The following UGT1A8 variants were observed in gnomAD, a reference collection of about 807,000 sequenced individuals.
The protein encoded by UGT1A8 is UDP glucuronosyltransferase family 1 member A8.
A neutral mutation model predicts 45.3 loss-of-function variants in UGT1A8; 39 were observed. The observed-to-expected ratio is 0.86, with a 90% CI of 0.67 to 1.12. The LOEUF (loss-of-function observed/expected upper bound fraction) is 1.12, where lower values mean the gene tolerates loss of function less well. UGT1A8 is among the 50% of genes most tolerant of loss of function. The probability of loss-of-function intolerance (pLI) is 0.00; values close to 1 mark genes in which losing one functional copy is unlikely to be tolerated. For synonymous variants in UGT1A8, 275 were observed against 249.2 expected, an observed-to-expected ratio of 1.10 and a Z score of -0.97; for missense variants, 719 against 664.9, an observed-to-expected ratio of 1.08 and a Z score of -0.90.
At chr2:233,728,607 C>G (rs868048236) in intron 1 of UGT1A8, among the ~76,000 whole-genome samples, 1 of 152,210 alleles carries the variant, frequency 6.6e-6, no homozygotes, top group South Asian at 2.1e-4. Flanking sequence ...CCAGCCTCCA[C>G]GCTGTTCAGA....
At chr2:233,619,241 T>G (rs2125447125) in intron 1 of UGT1A8, among the ~76,000 whole-genome samples, 1 of 152,160 alleles carries the variant, frequency 6.6e-6, no homozygotes, top group South Asian at 2.1e-4. Flanking sequence ...AATTGTAGAT[T>G]CCTTTATACA....
At chr2:233,734,048 T>C (rs547388406) in intron 1 of UGT1A8, among the ~76,000 whole-genome samples, 1 of 152,234 alleles carries the variant, frequency 6.6e-6, no homozygotes, top group East Asian at 1.9e-4. Flanking sequence ...ATGGCACATG[T>C]ATACATATGT....
chr2:233,640,276 G>C (rs1452147606), intron 1 of UGT1A8, among the ~76,000 whole-genome samples: 1 of 152,086 alleles, frequency 6.6e-6, no homozygotes, highest in African/African-American at 2.4e-5. Flanking sequence ...ATAATTTTCA[G>C]TGTTTTGCTG....
At chr2:233,627,635 T>TCCTC (rs2073110423) in intron 1 of UGT1A8, among the ~76,000 whole-genome samples, 1 of 121,114 alleles carries the variant, frequency 8.3e-6, no homozygotes, top group Non-Finnish European at 1.8e-5. Flanking sequence ...CTTCCTTCCT[T>TCCTC]CCTTCCTTCC....
At chr2:233,641,607 G>A (rs2073454978) in intron 1 of UGT1A8, among the ~76,000 whole-genome samples, 2 of 152,104 alleles carry the variant, frequency 1.3e-5, no homozygotes, top group Admixed American at 6.5e-5. Flanking sequence ...AGTGAGTTTT[G>A]TACCTTCAGA....
chr2:233,655,044 A>C (rs372943668), intron 1 of UGT1A8, among the ~76,000 whole-genome samples: 39 of 152,058 alleles, frequency 2.6e-4, no homozygotes, highest in African/African-American at 7.0e-4. Flanking sequence ...AGCCGAGATC[A>C]TACCACTGCA....
chr2:233,726,218 A>C (rs1180032899), intron 1 of UGT1A8, among the ~76,000 whole-genome samples: 1 of 152,174 alleles, frequency 6.6e-6, no homozygotes, highest in Non-Finnish European at 1.5e-5. Context: ...AAAGTTTAGA[A>C]AACATTTTTT....
intron 1 of UGT1A8, among the ~76,000 whole-genome samples, chr2:233,745,638 C>T (rs530940349): frequency 4.6e-5 from 7 of 151,244 alleles, no homozygotes; most frequent in South Asian, 2.1e-4. Context: ...GAAAGCTGGC[C>T]GAGGGTAGAG....
chr2:233,713,032 C>T, intron 1 of UGT1A8: 2 of 1,613,918 alleles, frequency 1.2e-6, no homozygotes, highest in Non-Finnish European at 1.7e-6. Context: ...CAGCTGGCCA[C>T]AGGACTGCTG....
chr2:233,682,815 C>A (rs1223109916), intron 1 of UGT1A8: 3 of 1,581,138 alleles, frequency 1.9e-6, no homozygotes, highest in Admixed American at 3.7e-5. Context: ...CCCTTTAGCA[C>A]ATTAAGAATA....
intron 1 of UGT1A8, among the ~76,000 whole-genome samples, chr2:233,644,265 C>T (rs1178360702): frequency 1.3e-5 from 2 of 152,164 alleles, no homozygotes; most frequent in Non-Finnish European, 2.9e-5. Context: ...CAGCCTAGGG[C>T]TGGTTTAAAT....
chr2:233,648,700 G>A (rs1311490149), intron 1 of UGT1A8: 6 of 395,314 alleles, frequency 1.5e-5, no homozygotes, highest in South Asian at 2.5e-5. Context: ...TCCTAACCTC[G>A]TGATCCGCCC....
chr2:233,681,862 C>G lies in UGT1A8; in HGVS notation c.855+63300C>G, dbSNP rs1298944980. ...ACACGCCTTCTTTTGAGGGCAGGTT[C>G]TATCTGTACTTCTTCCACTTACTAT... On this transcript the variant is annotated intron_variant, in intron 1 of 4. Transcript: ENST00000373450. 4.1e-5 allele frequency: 62 copies of G among 1,529,184 alleles called. No homozygotes were observed. The East Asian group carries it at 1.3e-3, about 31-fold the overall frequency. 94.7% of individuals were successfully genotyped at this position (1,529,184 alleles called of 1,614,324 possible).
chr2:233,682,324 T>G lies in UGT1A8; in HGVS notation c.855+63762T>G, dbSNP rs17868323. On this transcript the variant is annotated intron_variant, in intron 1 of 4. Coordinates refer to ENST00000373450, the MANE Select transcript of UGT1A8 (RefSeq NM_019076.5). ...TTTCAAATTGCAGGAGTTTGTTTAA[T>G]GACCGAAAATTAGTAGAATACTTAA... 1,002,404 of 1,612,848 alleles carry G rather than the reference T, an allele frequency of 0.62. 314,252 individuals carry two copies. The highest frequency in any genetic ancestry group is 0.65 in the South Asian group (59,099 of 91,048).
rs868706837 is a variant in UGT1A8, at chr2:233,629,401, T to C, written c.855+10839T>C. On this transcript the variant is annotated intron_variant, in intron 1 of 4. Transcript: ENST00000373450. ...GTTGTGAGTTATGCTGCTATGAACA[T>C]GGTGGCACAACCTTGATTAATTTTC... 1.9e-4 allele frequency among the ~76,000 whole-genome samples: 29 copies of C among 152,286 alleles called. 1 individual carries two copies. The highest frequency in any genetic ancestry group is 5.2e-4 in the Admixed American group (8 of 15,280).
chr2:233,748,022 G>A, intron 1 of UGT1A8: 2 of 1,613,526 alleles, frequency 1.2e-6, no homozygotes, highest in South Asian at 2.2e-5. Flanking sequence ...GGCCGATCAT[G>A]CCCAACATGG....
At chr2:233,729,605 TGCTG>T (rs755451015) in intron 1 of UGT1A8, 6 of 1,614,008 alleles carry the variant, frequency 3.7e-6, no homozygotes, top group South Asian at 1.1e-5. Context: ...TGCGCGGCAG[TGCTG>T]GCTAAGTACC....
At chr2:233,725,113 T>A (rs1198574402) in intron 1 of UGT1A8, among the ~76,000 whole-genome samples, 1 of 138,758 alleles carries the variant, frequency 7.2e-6, no homozygotes, top group African/African-American at 2.9e-5. Flanking sequence ...GGCAGGGAGG[T>A]TGCAGTGAGC....
intron 1 of UGT1A8, among the ~76,000 whole-genome samples, chr2:233,731,284 C>CTTTTTTTTTTTTT (rs78127606): frequency 7.2e-6 from 1 of 139,766 alleles, no homozygotes. Context: ...GTTTTTCTTT[C>CTTTTTTTTTTTTT]TTTTTTTTTT....
Sources: allele counts gnomAD v4.1 joint callset (sites outside exome capture counted in the v4.1 genomes callset), GRCh38; gene constraint gnomAD v4.1.1; transcripts MANE v1.5; gene names NCBI Gene and HGNC (gene_info 2026-07-23, HGNC 2026-07-21).